Variants in TRIP4 observed in about 807,000 individuals in gnomAD.
TRIP4 encodes the protein thyroid hormone receptor interactor 4, also known as activating signal cointegrator 1.
In TRIP4, 54 loss-of-function variants were observed where a neutral mutation model predicts 81.8. That is an observed-to-expected ratio of 0.66 (90% CI 0.53 to 0.83). The LOEUF is 0.83. Ranked by LOEUF, TRIP4 falls within the 40% of genes least tolerant of loss-of-function variation. The pLI is 0.00. For synonymous variants in TRIP4, 270 were observed against 242.8 expected (o/e 1.11, Z -1.04); for missense variants, 662 against 683.6 (o/e 0.97, Z 0.35).
At chr15:64,415,745 T>G (rs1891880208) in intron 8 of TRIP4, among the ~76,000 whole-genome samples, 1 of 152,190 alleles carries the variant, frequency 6.6e-6, no homozygotes, top group Non-Finnish European at 1.5e-5. Context: ...ATTCACAGAT[T>G]CCATGAACGT....
intron 4 of TRIP4, among the ~76,000 whole-genome samples, chr15:64,398,684 C>T (rs1049514163): frequency 1.3e-5 from 2 of 152,082 alleles, no homozygotes; most frequent in Non-Finnish European, 2.9e-5. Flanking sequence ...GCCACTGTGA[C>T]AGAATCCTCA....
intron 5 of TRIP4, among the ~76,000 whole-genome samples, chr15:64,403,592 T>A (rs943065587): frequency 3.3e-5 from 5 of 152,254 alleles, no homozygotes; most frequent in African/African-American, 1.2e-4. Context: ...TATAATGTAG[T>A]CATCTGTGTA....
At chr15:64,419,945 A>G (rs1891973209) in intron 9 of TRIP4, among the ~76,000 whole-genome samples, 1 of 151,288 alleles carries the variant, frequency 6.6e-6, no homozygotes. Context: ...CCTCCCGAGT[A>G]GCTGGGATCA....
In TRIP4 at chr15:64,387,886, C is replaced by T. The variant is rs1271312942; in HGVS notation, c.23C>T (p.Ser8Phe). 3.9e-6 allele frequency: 6 copies of T among 1,548,406 alleles called. No homozygotes were observed. The African/African-American group carries it at 6.9e-5, about 18-fold the overall frequency. MAVAGAVSGEPLVHWCTQ... is the reference protein window; with the variant it reads MAVAGAVFGEPLVHWCTQ... ...AAGATGGCGGTGGCTGGGGCGGTGT[C>T]CGGGGAGCCGCTGGTGCACTGGTGC... The change falls in exon 1 of 13, where the codon TCC becomes TTC. Residue 8 changes from serine (S) to phenylalanine (F), a missense_variant. Transcript: ENST00000261884.
chr15:64,410,268 C>T (rs758765268), intron 7 of TRIP4, among the ~76,000 whole-genome samples: 13 of 151,964 alleles, frequency 8.6e-5, no homozygotes, highest in East Asian at 1.9e-4. Flanking sequence ...TCAAGTGATC[C>T]GCCTACCTCA....
chr15:64,437,498 G>GTT (rs368624525), intron 11 of TRIP4, among the ~76,000 whole-genome samples: 24 of 143,106 alleles, frequency 1.7e-4, no homozygotes, highest in South Asian at 6.7e-4. Flanking sequence ...GTGTTACTTT[G>GTT]TTTTTTTTTT....
intron 11 of TRIP4, among the ~76,000 whole-genome samples, chr15:64,429,177 C>G (rs1323904587): frequency 6.6e-6 from 1 of 151,774 alleles, no homozygotes; most frequent in African/African-American, 2.4e-5. Context: ...ATTAGCCAGG[C>G]GTGGTGGCAG....
intron 11 of TRIP4, among the ~76,000 whole-genome samples, chr15:64,440,327 C>T (rs1892488249): frequency 1.3e-5 from 2 of 151,914 alleles, no homozygotes. Context: ...TCTGGGTAAT[C>T]TGCATTTTAG....
intron 2 of TRIP4, 116 bp downstream of exon 2, chr15:64,394,231 G>C: frequency 1.1e-6 from 1 of 912,856 alleles, no homozygotes; most frequent in Non-Finnish European, 1.6e-6. Context: ...AACTTAAACA[G>C]AGTCATATGT....
intron 9 of TRIP4, among the ~76,000 whole-genome samples, chr15:64,419,321 CT>C (rs1596348324): frequency 6.6e-6 from 1 of 152,134 alleles, no homozygotes; most frequent in East Asian, 1.9e-4. Context: ...TATTTAATAG[CT>C]TACTATTCCG....
chr15:64,431,082 G>C (rs936273121), intron 11 of TRIP4, among the ~76,000 whole-genome samples: 2 of 152,102 alleles, frequency 1.3e-5, no homozygotes, highest in Non-Finnish European at 2.9e-5. Flanking sequence ...CCAATGAATT[G>C]TCTGTGAGTC....
At chr15:64,407,338 C>T (rs906677344) in intron 6 of TRIP4, among the ~76,000 whole-genome samples, 1 of 152,152 alleles carries the variant, frequency 6.6e-6, no homozygotes, top group East Asian at 1.9e-4. Flanking sequence ...CTTTCAGTAT[C>T]ACATTTCACC....
intron 4 of TRIP4, among the ~76,000 whole-genome samples, chr15:64,400,162 G>C (rs1238436843): frequency 6.6e-6 from 1 of 151,320 alleles, no homozygotes; most frequent in African/African-American, 2.4e-5. Context: ...AGAACCAGAA[G>C]CCAGGTATGG....
At chr15:64,415,575 T>A (rs1177324550) in intron 8 of TRIP4, among the ~76,000 whole-genome samples, 2 of 152,194 alleles carry the variant, frequency 1.3e-5, no homozygotes, top group Non-Finnish European at 2.9e-5. Flanking sequence ...AATCTCTGCC[T>A]CTGTCTTCAC....
chr15:64,391,154 AC>A (rs1010546222), intron 1 of TRIP4, among the ~76,000 whole-genome samples: 1 of 151,640 alleles, frequency 6.6e-6, no homozygotes, highest in Non-Finnish European at 1.5e-5. Flanking sequence ...AGAGCTATTA[AC>A]TTTTTTTTTT....
At position 64,390,690 on chromosome 15, in the gene TRIP4, A is replaced by G. The variant is rs370112271; in HGVS notation, c.101+2726A>G. ...TGGACCACCTGAGGTCAGGAGTTCG[A>G]GACCAGCCTGGCCAACATGGTGAAA... On this transcript the variant is annotated intron_variant, in intron 1 of 12. Transcript: ENST00000261884. Among the ~76,000 whole-genome samples, 37 of 152,116 alleles carry G rather than the reference A, an allele frequency of 2.4e-4. No homozygotes were observed. In the East Asian group the frequency reaches 3.7e-3, roughly 15 times the overall value.
rs187423257 is a variant in TRIP4 at position 64,410,171 on chromosome 15, G to A, written c.1043+343G>A. Among the ~76,000 whole-genome samples the A allele has an allele frequency of 3.2e-3, 490 of 151,890 alleles. 1 individual carries two copies. Among genetic ancestry groups the A allele is most frequent in the African/African-American group, 0.011 (468 of 41,430 alleles). On this transcript the variant is annotated intron_variant, in intron 7 of 12. Transcript: ENST00000261884. ...CCCTTGAGTAGCTGGGATTACAGGTGCCCACCACCATGCCCAGCTAATTTT... is the reference window on the plus strand; with the variant it reads ...CCCTTGAGTAGCTGGGATTACAGGTACCCACCACCATGCCCAGCTAATTTT...
At chr15:64,406,822 C>G (rs982062914) in intron 6 of TRIP4, among the ~76,000 whole-genome samples, 1 of 152,194 alleles carries the variant, frequency 6.6e-6, no homozygotes, top group African/African-American at 2.4e-5. Context: ...TCTGGAGAAT[C>G]TGTAAGGAAT....
intron 7 of TRIP4, 52 bp downstream of exon 7, chr15:64,409,880 A>C (rs1439467173): frequency 6.5e-7 from 1 of 1,533,542 alleles, no homozygotes; most frequent in Non-Finnish European, 8.9e-7. Flanking sequence ...GTTGACCATA[A>C]AGGATTTTCC....
Sources: gnomAD v4.1 joint callset for allele counts (sites outside exome capture counted in the v4.1 genomes callset) on GRCh38, gnomAD v4.1.1 for gene constraint, MANE v1.5 for transcripts, NCBI Gene and HGNC (gene_info 2026-07-23, HGNC 2026-07-21) for gene names.